Variants in ANKRD12 observed in about 807,000 individuals in gnomAD.
The protein encoded by ANKRD12 is ankyrin repeat domain-containing protein 12.
ANKRD12 carries 85 observed loss-of-function variants against 183.4 expected under a neutral mutation model. That is an observed-to-expected ratio of 0.46 (90% CI 0.39 to 0.56). ANKRD12 has a LOEUF of 0.56. Among genes scored for constraint, ANKRD12 ranks in the 20% least tolerant of loss-of-function variants. The probability of loss-of-function intolerance (pLI) is 0.00; values close to 1 mark genes in which losing one functional copy is unlikely to be tolerated. For missense variants in ANKRD12, 2,405 were observed against 2,357.1 expected (o/e 1.02, Z -0.42); for synonymous variants, 914 against 800.2 (o/e 1.14, Z -2.40).
chr18:9,278,657 TGTG>T (rs2039966084), intron 11 of ANKRD12, among the ~76,000 whole-genome samples: 2 of 151,698 alleles, frequency 1.3e-5, no homozygotes, highest in Non-Finnish European at 1.5e-5. Flanking sequence ...ATTAGCCAGG[TGTG>T]GTGGCGGGTG....
intron 3 of ANKRD12, among the ~76,000 whole-genome samples, chr18:9,203,740 G>A (rs1269481079): frequency 6.6e-6 from 1 of 152,154 alleles, no homozygotes; most frequent in Admixed American, 6.5e-5. Context: ...AAGTAGGTGG[G>A]ATTACAGGCA....
intron 10 of ANKRD12, among the ~76,000 whole-genome samples, 159 bp from the exon 11 acceptor site, chr18:9,275,365 A>AC (rs1002880629): frequency 2.1e-4 from 32 of 152,168 alleles, no homozygotes; most frequent in Non-Finnish European, 4.1e-4. Flanking sequence ...CCCAACTACT[A>AC]CGGAGGCTGA....
intron 10 of ANKRD12, among the ~76,000 whole-genome samples, chr18:9,272,821 GTTTC>G (rs2039669398): frequency 6.6e-6 from 1 of 152,048 alleles, no homozygotes; most frequent in Admixed American, 6.6e-5. Context: ...TTAGGACCAT[GTTTC>G]TTTGTTTTTT....
chr18:9,216,441 C>G (rs1225523567), intron 6 of ANKRD12, among the ~76,000 whole-genome samples: 1 of 152,166 alleles, frequency 6.6e-6, no homozygotes, highest in Admixed American at 6.5e-5. Flanking sequence ...GTTCATGTTA[C>G]TGGTAAGGCT....
chr18:9,192,736 C>T (rs955904099), intron 2 of ANKRD12, among the ~76,000 whole-genome samples: 2 of 150,232 alleles, frequency 1.3e-5, no homozygotes, highest in Non-Finnish European at 2.9e-5. Context: ...GGGTCTTGCT[C>T]TGCTCTGTCA....
chr18:9,278,703 G>A (rs953620891), intron 11 of ANKRD12, among the ~76,000 whole-genome samples: 1 of 152,034 alleles, frequency 6.6e-6, no homozygotes, highest in Non-Finnish European at 1.5e-5. Flanking sequence ...AGGCTGAGGC[G>A]GGAGAATCGC....
Position 9,256,364 on chromosome 18 carries a change from CAT to C in ANKRD12, c.3099_3100del (p.His1033GlnfsTer3), listed in dbSNP as rs1391186873. On this transcript the variant is annotated frameshift_variant, in exon 9 of 13. Transcript: ENST00000262126. LOFTEE classifies it high-confidence loss of function. ...DIDRYKERDK[H>X]KDKIQINSLL... ...AGATAGATACAAAGAACGAGACAAA[CAT>C]AAAGATAAAATTCAAATAAATAGCT... The C allele has an allele frequency of 6.3e-7, 1 of 1,598,630 alleles. No individual in the cohort carries two copies. Among genetic ancestry groups the C allele is most frequent in the Non-Finnish European group, 8.5e-7 (1 of 1,173,490 alleles).
At chr18:9,239,911 G>T (rs2037561574) in intron 8 of ANKRD12, among the ~76,000 whole-genome samples, 1 of 152,162 alleles carries the variant, frequency 6.6e-6, no homozygotes, top group Non-Finnish European at 1.5e-5. Flanking sequence ...TAGTCATTGT[G>T]CTTTATGCCA....
chr18:9,170,234 T>C (rs1025347796), intron 1 of ANKRD12, among the ~76,000 whole-genome samples: 3 of 152,214 alleles, frequency 2.0e-5, no homozygotes, highest in African/African-American at 7.2e-5. Context: ...GCATTCTCTG[T>C]ATTTCCTGAA....
chr18:9,176,166 G>A (rs573036115), intron 1 of ANKRD12, among the ~76,000 whole-genome samples: 5 of 152,312 alleles, frequency 3.3e-5, no homozygotes, highest in African/African-American at 1.2e-4. Flanking sequence ...TATCTGTGAG[G>A]AGTCACAGAT....
At chr18:9,253,531 T>C (rs1275004546) in intron 8 of ANKRD12, among the ~76,000 whole-genome samples, 1 of 152,256 alleles carries the variant, frequency 6.6e-6, no homozygotes. Context: ...TTTCTATGGC[T>C]GAATAATATT....
chr18:9,278,182 T>C (rs16954914), intron 11 of ANKRD12, among the ~76,000 whole-genome samples: 34,047 of 152,152 alleles, frequency 0.22, 4,466 homozygotes, highest in African/African-American at 0.36. Context: ...TGGTGACTTA[T>C]TTAAATATGG....
intron 1 of ANKRD12, among the ~76,000 whole-genome samples, chr18:9,157,604 T>TATATATATATG (rs1491418837): frequency 2.2e-5 from 1 of 45,934 alleles, no homozygotes; most frequent in Non-Finnish European, 6.7e-5. Flanking sequence ...TATATATGTA[T>TATATATATATG]TTTTTTTTTT....
At position 9,254,777 on chromosome 18, in the gene ANKRD12, A is replaced by G; in HGVS notation, c.1510A>G (p.Thr504Ala). ...AGAAAATACAAGAATAACAAACTTG[A>G]CAGTAAATACTGGACTAGATTGTTC... ...GKENTRITNL[T>A]VNTGLDCSEK... is the part of the protein sequence containing the mutation. The change falls in exon 9 of 13, where the codon ACA becomes GCA. Residue 504 changes from threonine to alanine, a missense_variant. By Grantham distance (58) the Thr-to-Ala change is moderately conservative. This residue lies in a region of ANKRD12 where 1,983 missense variants were observed against 1,725.9 expected (regional missense o/e 1.15). Transcript: ENST00000262126. 6.8e-7 allele frequency: 1 copy of G among 1,471,672 alleles called. No homozygotes were observed. Among genetic ancestry groups the G allele is most frequent in the Non-Finnish European group, 9.0e-7 (1 of 1,112,578 alleles). 91.2% of individuals were successfully genotyped at this position (1,471,672 alleles called of 1,614,324 possible).
chr18:9,153,578 C>A (rs1275677029), intron 1 of ANKRD12, among the ~76,000 whole-genome samples: 1 of 152,146 alleles, frequency 6.6e-6, no homozygotes, highest in African/African-American at 2.4e-5. Flanking sequence ...ACAATTTAAT[C>A]TGAGTTCTTT....
intron 2 of ANKRD12, 149 bp from the exon 3 acceptor site, chr18:9,195,402 C>T (rs1387859946): frequency 1.3e-5 from 5 of 398,346 alleles, no homozygotes; most frequent in Admixed American, 4.5e-5. Flanking sequence ...AAAAAATGTA[C>T]TTGTTGAAGC....
At chr18:9,226,264 A>AG (rs917302413) in intron 8 of ANKRD12, among the ~76,000 whole-genome samples, 3 of 152,094 alleles carry the variant, frequency 2.0e-5, no homozygotes, top group African/African-American at 7.2e-5. Flanking sequence ...TCTCTATTAA[A>AG]GGTACAAAAA....
Position 9,285,172 on chromosome 18 carries a change from G to T in ANKRD12, c.*4046G>T, listed in dbSNP as rs1160132015. 2 of 150,128 alleles carry T rather than the reference G, an allele frequency of 1.3e-5. No individual in the cohort carries two copies. Among genetic ancestry groups the T allele is most frequent in the South Asian group, 4.2e-4 (2 of 4,794 alleles). 9.3% of individuals were successfully genotyped at this position (150,128 alleles called of 1,614,324 possible). A position where few individuals can be genotyped will look rare whatever the true frequency, so the allele number is the denominator to read the frequency against. On this transcript the variant is annotated 3_prime_UTR_variant, in exon 13 of 13. Coordinates refer to ENST00000262126, the MANE Select transcript of ANKRD12 (RefSeq NM_015208.5). Reference sequence around the variant, plus strand: ...TGCAGTGAGCCGAGATCGTGCCACTGCACTCCAGCCTGGGCGACAGAGCGA... The same window carrying T: ...TGCAGTGAGCCGAGATCGTGCCACTTCACTCCAGCCTGGGCGACAGAGCGA...
chr18:9,195,834 T>C (rs1217124121), intron 3 of ANKRD12, 136 bp downstream of exon 3: 1 of 849,424 alleles, frequency 1.2e-6, no homozygotes, highest in Non-Finnish European at 1.7e-6. Flanking sequence ...TTTATCATTT[T>C]GGGGTAGGAA....
Sources: allele counts gnomAD v4.1 joint callset (sites outside exome capture counted in the v4.1 genomes callset), GRCh38; gene constraint gnomAD v4.1.1; regional missense constraint gnomAD v4.1.1; transcripts MANE v1.5; gene names NCBI Gene and HGNC (gene_info 2026-07-23, HGNC 2026-07-21).